Variants in FARSB observed in about 807,000 individuals in gnomAD.
The protein encoded by FARSB is phenylalanyl-tRNA synthetase subunit beta.
FARSB carries 40 observed loss-of-function variants against 69.6 expected under a neutral mutation model. The ratio of observed to expected loss-of-function variants is 0.57; its 90% CI spans 0.45 to 0.75. FARSB has a LOEUF of 0.75. FARSB is among the 30% of genes least tolerant of loss of function. The probability of loss-of-function intolerance (pLI) is 0.00; values close to 1 mark genes in which losing one functional copy is unlikely to be tolerated. For synonymous variants in FARSB, 235 were observed against 247.2 expected (o/e 0.95, Z 0.46); for missense variants, 632 against 722.9 (o/e 0.87, Z 1.44).
chr2:222,572,062 T>C (rs746775581), intron 16 of FARSB, 40 bp from the exon 17 acceptor site: 2 of 1,582,688 alleles, frequency 1.3e-6, no homozygotes, highest in East Asian at 2.2e-5. Flanking sequence ...ATGTTTCTTC[T>C]GGCAAAACAT....
chr2:222,618,466 G>C (rs951879537), intron 14 of FARSB, among the ~76,000 whole-genome samples: 4 of 152,126 alleles, frequency 2.6e-5, no homozygotes, highest in Admixed American at 6.5e-5. Context: ...GATTCTAGAA[G>C]AAGACATGAT....
intron 10 of FARSB, among the ~76,000 whole-genome samples, 168 bp from the exon 11 acceptor site, chr2:222,624,943 T>G (rs1691230749): frequency 6.6e-6 from 1 of 152,302 alleles, no homozygotes; most frequent in Non-Finnish European, 1.5e-5. Flanking sequence ...GAGGGATAAA[T>G]TTGCTATATT....
In FARSB at chr2:222,569,168, G is replaced by A. The variant is rs1188450734; in HGVS notation, c.*2703C>T. 6.6e-6 allele frequency: 1 copy of A among 152,170 alleles called. No homozygotes were observed. The highest frequency in any genetic ancestry group is 1.5e-5 in the Non-Finnish European group (1 of 68,030). 9.4% of individuals were successfully genotyped at this position (152,170 alleles called of 1,614,324 possible). On this transcript the variant is annotated 3_prime_UTR_variant, in exon 17 of 17. Coordinates refer to ENST00000281828, the MANE Select transcript of FARSB (RefSeq NM_005687.5). ...TCTGCCTACCATTTCCTGCTTCCGAGGGCAGAAACATCTACATGATGCATG... is the reference window on the plus strand; with the variant it reads ...TCTGCCTACCATTTCCTGCTTCCGAAGGCAGAAACATCTACATGATGCATG...
intron 5 of FARSB, among the ~76,000 whole-genome samples, chr2:222,636,214 G>A (rs1691578310): frequency 6.6e-6 from 1 of 151,940 alleles, no homozygotes; most frequent in Non-Finnish European, 1.5e-5. Flanking sequence ...AGACCATCCT[G>A]GCTAACATGG....
Position 222,624,848 on chromosome 2 carries a change from T to C in FARSB, c.901-73A>G, listed in dbSNP as rs1045107086. 5.1e-5 allele frequency: 44 copies of C among 863,152 alleles called. 1 individual carries two copies. The East Asian group carries it at 1.1e-3, about 21-fold the overall frequency. 53.5% of individuals were successfully genotyped at this position (863,152 alleles called of 1,614,324 possible). A position where few individuals can be genotyped will look rare whatever the true frequency, so the allele number is the denominator to read the frequency against. On this transcript the variant is annotated intron_variant, in intron 10 of 16. Coordinates refer to ENST00000281828, the MANE Select transcript of FARSB (RefSeq NM_005687.5). ...GCTTTAGAGTCTTTTCCATTAGTCATTATTGCAGTTCTATTACGTTCCCAA... is the reference window on the plus strand; with the variant it reads ...GCTTTAGAGTCTTTTCCATTAGTCACTATTGCAGTTCTATTACGTTCCCAA...
chr2:222,585,790 G>T (rs1367710940), intron 16 of FARSB, among the ~76,000 whole-genome samples: 1 of 152,202 alleles, frequency 6.6e-6, no homozygotes, highest in South Asian at 2.1e-4. Flanking sequence ...TGAATGAAAT[G>T]AAGCCAGAAG....
At chr2:222,636,249 A>G (rs1691579447) in intron 5 of FARSB, among the ~76,000 whole-genome samples, 1 of 152,030 alleles carries the variant, frequency 6.6e-6, no homozygotes, top group East Asian at 1.9e-4. Context: ...TACTAAAAAT[A>G]CAAAAAATTA....
At chr2:222,616,545 C>CAAA (rs11447332) in intron 14 of FARSB, among the ~76,000 whole-genome samples, 23,324 of 72,992 alleles carry the variant, frequency 0.32, 4,807 homozygotes, top group Non-Finnish European at 0.39. Context: ...GACTCCATCT[C>CAAA]AAAAAAAAAA....
Position 222,568,500 on chromosome 2 carries a change from C to T in FARSB, c.*3371G>A, listed in dbSNP as rs1409237367. 1.3e-5 allele frequency: 2 copies of T among 151,910 alleles called. No homozygotes were observed. The highest frequency in any genetic ancestry group is 4.8e-5 in the African/African-American group (2 of 41,344). 9.4% of individuals were successfully genotyped at this position (151,910 alleles called of 1,614,324 possible). On this transcript the variant is annotated 3_prime_UTR_variant, in exon 17 of 17. Transcript: ENST00000281828. This position sits in a 1 kb window ranked among gnomAD's most constrained non-coding sequence, Gnocchi z 4.3. ...TCAGGGAGAATTCCTACTCTCATAC[C>T]GTTATTAAACCAAAAAAATTAAAAT...
In FARSB at chr2:222,571,806, C is replaced by A; in HGVS notation, c.*65G>T. 1 of 1,401,274 alleles carries A rather than the reference C, an allele frequency of 7.1e-7. No homozygotes were observed. Among genetic ancestry groups the A allele is most frequent in the South Asian group, 1.3e-5 (1 of 77,306 alleles). 86.8% of individuals were successfully genotyped at this position (1,401,274 alleles called of 1,614,324 possible). ...AATAGATGTTCCCTGTGGAGGAGGA[C>A]TTAAGGACACTAGGGGAGGAGAAAG... On this transcript the variant is annotated 3_prime_UTR_variant, in exon 17 of 17. Transcript: ENST00000281828.
chr2:222,619,815 A>G, intron 13 of FARSB, 78 bp from the exon 14 acceptor site: 1 of 776,934 alleles, frequency 1.3e-6, no homozygotes, highest in Non-Finnish European at 2.2e-6. Flanking sequence ...GCTGTAAGTC[A>G]ACTTCTAAGA....
rs1406256520 is a variant in FARSB, at chr2:222,624,763, G to A, written c.913C>T (p.Arg305Ter). Residue 305 changes from arginine (R) to a stop codon, truncating the protein, a stop_gained, in exon 11 of 17, where the codon CGA becomes TGA. Transcript: ENST00000281828. LOFTEE classifies it high-confidence loss of function. ...KSHTFPELAY[R>*]KEMVRADLIN... ...AGGTCAGCTCTCACCATCTCCTTTC[G>A]GTAAGCTAATTCCTTAAATAGAAAG... 2.5e-6 allele frequency: 4 copies of A among 1,598,740 alleles called. No individual in the cohort carries two copies. The highest frequency in any genetic ancestry group is 2.2e-5 in the East Asian group (1 of 44,674).
intron 1 of FARSB, among the ~76,000 whole-genome samples, chr2:222,655,625 CA>C (rs1184378367): frequency 6.6e-6 from 1 of 152,208 alleles, no homozygotes; most frequent in Non-Finnish European, 1.5e-5. Context: ...CCCCGCTGCA[CA>C]AATCTCTCCT....
chr2:222,584,175 GGGGTAACACGA>G (rs1690044260), intron 16 of FARSB, among the ~76,000 whole-genome samples: 1 of 152,024 alleles, frequency 6.6e-6, no homozygotes, highest in African/African-American at 2.4e-5. Context: ...AAAGTATTCA[GGGGTAACACGA>G]TATCAGATTA....
intron 16 of FARSB, among the ~76,000 whole-genome samples, chr2:222,582,633 A>G (rs1689998666): frequency 6.6e-6 from 1 of 152,212 alleles, no homozygotes; most frequent in South Asian, 2.1e-4. Flanking sequence ...GCAAACAAGC[A>G]ATAATGTAAA....
intron 14 of FARSB, among the ~76,000 whole-genome samples, chr2:222,619,151 A>G (rs1691075023): frequency 2.0e-5 from 3 of 151,410 alleles, no homozygotes; most frequent in Admixed American, 2.0e-4. Context: ...CAAAAAAAAA[A>G]AAAATTTAGC....
At position 222,619,723 on chromosome 2, in the gene FARSB, A is replaced by T; in HGVS notation, c.1266T>A (p.Asp422Glu). Residue 422 changes from aspartate (D) to glutamate (E), a missense_variant, in exon 14 of 17, where the codon GAT (aspartate) becomes GAA (glutamate). Coordinates refer to ENST00000281828, the MANE Select transcript of FARSB (RefSeq NM_005687.5). ...TATCCACACCTAGTTTATCAGCAAT[A>T]TCTTCTTGGGAGCACTGTGAAGTAC... ...ALTFALCSQEDIADKLGVDIS... is the reference protein window; with the variant it reads ...ALTFALCSQEEIADKLGVDIS... 6 of 1,595,236 alleles carry T rather than the reference A, an allele frequency of 3.8e-6. No individual in the cohort carries two copies. The highest frequency in any genetic ancestry group is 5.2e-6 in the Non-Finnish European group (6 of 1,163,722).
intron 16 of FARSB, among the ~76,000 whole-genome samples, chr2:222,584,378 T>A (rs1359963482): frequency 6.6e-6 from 1 of 151,970 alleles, no homozygotes; most frequent in Non-Finnish European, 1.5e-5. Context: ...GAATTTGGGG[T>A]CCAAGATAAC....
At chr2:222,593,565 A>G (rs368972236) in intron 16 of FARSB, among the ~76,000 whole-genome samples, 5 of 152,292 alleles carry the variant, frequency 3.3e-5, no homozygotes, top group Admixed American at 1.3e-4. Context: ...AGGTTATTTA[A>G]CACATCATTA....
Sources: gnomAD v4.1 joint callset for allele counts (sites outside exome capture counted in the v4.1 genomes callset) on GRCh38, gnomAD v4.1.1 for gene constraint, Gnocchi (gnomAD v3.1) non-coding constraint, MANE v1.5 for transcripts, NCBI Gene and HGNC (gene_info 2026-07-23, HGNC 2026-07-21) for gene names.